Variants in ARB2A observed in about 807,000 individuals in gnomAD.
The protein encoded by ARB2A is ARB2 cotranscriptional regulator A.
At chr5:93,816,991 A>G in the ARB2A span, among the ~76,000 whole-genome samples, 1 of 152,066 alleles carries the variant, frequency 6.6e-6, no homozygotes, top group South Asian at 2.1e-4. Context: ...AATTAATTAG[A>G]TAAACATGCA....
At chr5:93,944,988 G>A in the ARB2A span, among the ~76,000 whole-genome samples, 1 of 152,054 alleles carries the variant, frequency 6.6e-6, no homozygotes, top group Non-Finnish European at 1.5e-5. Flanking sequence ...GGAATGTAAG[G>A]GTAGGCCATA....
the ARB2A span, among the ~76,000 whole-genome samples, chr5:93,764,591 T>G: frequency 6.6e-6 from 1 of 152,108 alleles, no homozygotes; most frequent in Non-Finnish European, 1.5e-5. Flanking sequence ...ACCAGACAGA[T>G]TCACAGCCGA....
chr5:93,997,232 A>G, the ARB2A span, among the ~76,000 whole-genome samples: 1 of 152,050 alleles, frequency 6.6e-6, no homozygotes, highest in Non-Finnish European at 1.5e-5. Flanking sequence ...GCACCTTGTC[A>G]GCCTCCAAAG....
chr5:94,053,472 T>C, the ARB2A span, among the ~76,000 whole-genome samples: 3 of 152,168 alleles, frequency 2.0e-5, no homozygotes, highest in Non-Finnish European at 4.4e-5. Context: ...CCATTATATT[T>C]AACTTCTTCC....
the ARB2A span, among the ~76,000 whole-genome samples, chr5:93,747,350 T>A: frequency 1.3e-5 from 2 of 152,156 alleles, no homozygotes; most frequent in East Asian, 3.8e-4. Context: ...TTGGAATCTC[T>A]TTAGGAAACT....
chr5:93,776,152 C>A, the ARB2A span: 1 of 1,601,308 alleles, frequency 6.2e-7, no homozygotes, highest in Non-Finnish European at 8.5e-7. Context: ...TCTCATCAAA[C>A]ACATACCTGC....
the ARB2A span, among the ~76,000 whole-genome samples, chr5:94,072,300 T>C: frequency 5.3e-5 from 8 of 152,032 alleles, no homozygotes; most frequent in Admixed American, 1.3e-4. Flanking sequence ...TGAATGTTTG[T>C]GGTCATGGTT....
At chr5:93,724,381 T>G in the ARB2A span, among the ~76,000 whole-genome samples, 1 of 151,984 alleles carries the variant, frequency 6.6e-6, no homozygotes, top group African/African-American at 2.4e-5. Context: ...CCTGTAACAG[T>G]CAATTATAGT....
chr5:93,830,311 G>GTGTATGTGTATATATA, the ARB2A span, among the ~76,000 whole-genome samples: 10 of 82,262 alleles, frequency 1.2e-4, no homozygotes, highest in African/African-American at 4.7e-4. Flanking sequence ...GTGTGTGTGT[G>GTGTATGTGTATATATA]TATATATATA....
the ARB2A span, among the ~76,000 whole-genome samples, chr5:94,072,983 T>C: frequency 6.6e-6 from 1 of 152,140 alleles, no homozygotes; most frequent in Admixed American, 6.6e-5. Context: ...AATATATTTT[T>C]ATGAGATTTT....
chr5:93,827,670 C>T, the ARB2A span, among the ~76,000 whole-genome samples: 264 of 151,662 alleles, frequency 1.7e-3, 1 homozygote, highest in Non-Finnish European at 3.2e-3. Flanking sequence ...AAGTCCTTGC[C>T]CATGCCTATG....
chr5:93,758,960 C>T, the ARB2A span, among the ~76,000 whole-genome samples: 10 of 152,008 alleles, frequency 6.6e-5, no homozygotes, highest in Non-Finnish European at 1.5e-4. Context: ...AAACAAAAAG[C>T]TGATCATTTG....
At chr5:93,855,748 G>A in the ARB2A span, among the ~76,000 whole-genome samples, 3 of 152,080 alleles carry the variant, frequency 2.0e-5, no homozygotes, top group African/African-American at 7.2e-5. Context: ...TAAATTCTGG[G>A]TTGAAAATTC....
At chr5:93,866,073 C>A in the ARB2A span, 2 of 983,696 alleles carry the variant, frequency 2.0e-6, no homozygotes. Flanking sequence ...AGATGCATCC[C>A]AAATTCAGAG....
At chr5:93,953,208 C>T in the ARB2A span, among the ~76,000 whole-genome samples, 69 of 152,216 alleles carry the variant, frequency 4.5e-4, no homozygotes, top group African/African-American at 1.3e-3. Context: ...TTGATGCTTG[C>T]GGATGTTTGT....
the ARB2A span, among the ~76,000 whole-genome samples, chr5:93,975,215 A>G: frequency 2.0e-5 from 3 of 151,044 alleles, no homozygotes; most frequent in Non-Finnish European, 1.5e-5. Flanking sequence ...TACTCCAGAG[A>G]CTGAGGCAGG....
chr5:94,001,362 G>T, the ARB2A span, among the ~76,000 whole-genome samples: 1 of 151,914 alleles, frequency 6.6e-6, no homozygotes, highest in South Asian at 2.1e-4. Flanking sequence ...TACAAATTTG[G>T]TTTCTGATAA....
chr5:94,099,215 G>C, the ARB2A span, among the ~76,000 whole-genome samples: 1 of 152,190 alleles, frequency 6.6e-6, no homozygotes, highest in South Asian at 2.1e-4. Flanking sequence ...GAACATTGAT[G>C]CAAAAATCCT....
At chr5:94,088,326 T>C in the ARB2A span, among the ~76,000 whole-genome samples, 1 of 152,158 alleles carries the variant, frequency 6.6e-6, no homozygotes, top group Non-Finnish European at 1.5e-5. Context: ...ACTATAAATA[T>C]TGTTTAAAAC....
Sources: gnomAD v4.1 joint callset for allele counts (sites outside exome capture counted in the v4.1 genomes callset) on GRCh38, gnomAD v4.1.1 for gene constraint, MANE v1.5 for transcripts, NCBI Gene and HGNC (gene_info 2026-07-23, HGNC 2026-07-21) for gene names.